YARS1: variants seen among roughly 807,000 people sequenced by gnomAD.
YARS1 encodes the protein tyrosyl-tRNA synthetase 1, also known as tyrosine--tRNA ligase, cytoplasmic.
Under a neutral mutation model 62.2 loss-of-function variants are expected in YARS1, and 36 were observed. The ratio of observed to expected loss-of-function variants is 0.58; its 90% CI spans 0.44 to 0.76. The LOEUF is 0.76. YARS1 is among the 30% of genes least tolerant of loss of function. The probability of loss-of-function intolerance (pLI) is 0.00; values close to 1 mark genes in which losing one functional copy is unlikely to be tolerated. For missense variants in YARS1, 524 were observed against 639.8 expected (o/e 0.82, Z 1.95); for synonymous variants, 234 against 244.9 (o/e 0.96, Z 0.42).
Position 32,786,934 on chromosome 1 carries a change from T to A in YARS1, c.820+6A>T, listed in dbSNP as rs1171141818. 6.2e-7 allele frequency: 1 copy of A among 1,613,542 alleles called. No homozygotes were observed. Among genetic ancestry groups the A allele is most frequent in the Non-Finnish European group, 8.5e-7 (1 of 1,179,888 alleles). On this transcript the variant is annotated splice_donor_region_variant and intron_variant, in intron 7 of 12. Transcript: ENST00000373477. ...TGGCCTCTAGGAAGAAAACAGAGAG[T>A]GTTACCGGACTTAAGGGGAAAAAGG...
intron 11 of YARS1, chr1:32,779,758 GAGGA>G: frequency 1.6e-6 from 1 of 629,812 alleles, no homozygotes; most frequent in South Asian, 2.0e-5. Flanking sequence ...GTTTCTAGGG[GAGGA>G]AGTATAAAAT....
intron 4 of YARS1, 114 bp from the exon 5 acceptor site, chr1:32,797,957 G>C: frequency 2.4e-6 from 2 of 846,812 alleles, no homozygotes; most frequent in East Asian, 2.7e-5. Flanking sequence ...TGCCACCTCT[G>C]CCTCTCAGGT....
At chr1:32,800,359 G>A (rs1264045228) in intron 4 of YARS1, among the ~76,000 whole-genome samples, 2 of 152,086 alleles carry the variant, frequency 1.3e-5, no homozygotes, top group African/African-American at 4.8e-5. Flanking sequence ...ATTATAAAGG[G>A]CTAGACGTGT....
intron 5 of YARS1, among the ~76,000 whole-genome samples, chr1:32,794,568 T>G (rs1653512921): frequency 6.6e-6 from 1 of 151,924 alleles, no homozygotes; most frequent in South Asian, 2.1e-4. Context: ...TTTTGTATTT[T>G]TACTAGAGAC....
chr1:32,779,640 G>A lies in YARS1; in HGVS notation c.1335-117C>T, dbSNP rs954292181. On this transcript the variant is annotated intron_variant, in intron 11 of 12. Transcript: ENST00000373477. ...CCTGATGGGATTTAGGGCATCCTCA[G>A]TACCAGAGCCCCAGGAGGTCCTCTT... 1.9e-5 allele frequency: 25 copies of A among 1,346,348 alleles called. No individual in the cohort carries two copies. In the African/African-American group the frequency reaches 2.2e-4, roughly 12 times the overall value. The allele number at this position is 1,346,348 out of a possible 1,614,324, so 83.4% of individuals were successfully genotyped here.
At chr1:32,803,126 T>C (rs948652930) in intron 4 of YARS1, among the ~76,000 whole-genome samples, 4 of 151,700 alleles carry the variant, frequency 2.6e-5, no homozygotes, top group African/African-American at 9.7e-5. Context: ...GGGACTACAG[T>C]TGCGCACCAC....
Position 32,806,616 on chromosome 1 carries a change from A to G in YARS1, c.381-5T>C. 6.2e-7 allele frequency: 1 copy of G among 1,614,132 alleles called. No individual in the cohort carries two copies. Among genetic ancestry groups the G allele is most frequent in the Non-Finnish European group, 8.5e-7 (1 of 1,180,028 alleles). Reference sequence around the variant, plus strand: ...TACACATCTAGTGTGTACTCTCTGAAGAGGAAAGGAAGAGGGGACAGCTGT... The same window carrying G: ...TACACATCTAGTGTGTACTCTCTGAGGAGGAAAGGAAGAGGGGACAGCTGT... On this transcript the variant is annotated splice_region_variant and splice_polypyrimidine_tract_variant and intron_variant, in intron 3 of 12. Transcript: ENST00000373477.
rs774750132 is a variant in YARS1 at position 32,780,176 on chromosome 1, G to T, written c.1243C>A (p.Leu415Met). 7 of 1,614,194 alleles carry T rather than the reference G, an allele frequency of 4.3e-6. No individual in the cohort carries two copies. In the Admixed American group the frequency reaches 1.2e-4, roughly 27 times the overall value. The change falls in exon 11 of 13, where the codon CTG (leucine) becomes ATG (methionine). Residue 415 changes from leucine to methionine, a missense_variant. By Grantham distance (15) the Leu-to-Met change is conservative. Coordinates refer to ENST00000373477, the MANE Select transcript of YARS1 (RefSeq NM_003680.4). ...AGCACCACTACCAGCCTGTCCTGCA[G>T]TTCCTCCTTGGGCACGAACTGTACC... ...GLVQFVPKEELQDRLVVVLCN... is the reference protein window; with the variant it reads ...GLVQFVPKEEMQDRLVVVLCN...
intron 8 of YARS1, chr1:32,782,865 TAGGTAACCCA>T (rs1313099015): frequency 2.3e-5 from 8 of 349,140 alleles, no homozygotes; most frequent in African/African-American, 1.7e-4. Context: ...AACATTCACA[TAGGTAACCCA>T]AGGCCTAAAG....
intron 6 of YARS1, among the ~76,000 whole-genome samples, chr1:32,790,179 G>T (rs1215516709): frequency 1.4e-5 from 2 of 141,100 alleles, no homozygotes; most frequent in Non-Finnish European, 3.1e-5. Context: ...CACCACGCAG[G>T]CCTTTTTTTT....
chr1:32,807,952 C>T (rs1169584108), intron 3 of YARS1, among the ~76,000 whole-genome samples: 1 of 152,012 alleles, frequency 6.6e-6, no homozygotes, highest in Non-Finnish European at 1.5e-5. Flanking sequence ...CTCTGTTGCC[C>T]AGGTTGCAGT....
At chr1:32,792,633 G>A (rs547108596) in intron 5 of YARS1, among the ~76,000 whole-genome samples, 4 of 152,198 alleles carry the variant, frequency 2.6e-5, no homozygotes, top group Non-Finnish European at 5.9e-5. Context: ...GCTCATGCCT[G>A]TAATCCCAGC....
chr1:32,804,378 C>A (rs1234688847), intron 4 of YARS1, among the ~76,000 whole-genome samples: 1 of 151,282 alleles, frequency 6.6e-6, no homozygotes. Context: ...GGGTTGCCCC[C>A]CACCTCCCTC....
At chr1:32,787,646 AT>A (rs1322395432) in intron 6 of YARS1, among the ~76,000 whole-genome samples, 4 of 151,732 alleles carry the variant, frequency 2.6e-5, no homozygotes, top group Admixed American at 2.6e-4. Context: ...AATAGCTGGG[AT>A]TACAGGTGCC....
intron 6 of YARS1, among the ~76,000 whole-genome samples, chr1:32,788,658 C>T (rs186605567): frequency 2.6e-4 from 40 of 152,058 alleles, no homozygotes; most frequent in African/African-American, 8.0e-4. Context: ...GTCGAACTCC[C>T]GACCTTAGGT....
intron 5 of YARS1, among the ~76,000 whole-genome samples, chr1:32,796,965 CAAAA>C (rs71578193): frequency 0.021 from 55 of 2,652 alleles, 2 homozygotes; most frequent in South Asian, 0.025. Context: ...AACTCAGTCT[CAAAA>C]AAAAAAAAAA....
intron 10 of YARS1, 66 bp downstream of exon 10, chr1:32,780,982 C>A: frequency 6.7e-7 from 1 of 1,483,530 alleles, no homozygotes; most frequent in African/African-American, 1.4e-5. Flanking sequence ...GCCACGTTTC[C>A]TCCGGATGGA....
intron 3 of YARS1, 134 bp downstream of exon 3, chr1:32,810,457 A>T: frequency 8.3e-7 from 1 of 1,199,296 alleles, no homozygotes; most frequent in Non-Finnish European, 1.2e-6. Flanking sequence ...TTTAATGGAC[A>T]AAGTTTTAAA....
intron 3 of YARS1, among the ~76,000 whole-genome samples, chr1:32,808,069 C>T (rs951315294): frequency 6.6e-6 from 1 of 151,998 alleles, no homozygotes; most frequent in African/African-American, 2.4e-5. Flanking sequence ...TGATGCCTAG[C>T]TAATTTTTTT....
Sources: gnomAD v4.1 joint callset for allele counts (sites outside exome capture counted in the v4.1 genomes callset) on GRCh38, gnomAD v4.1.1 for gene constraint, MANE v1.5 for transcripts, NCBI Gene and HGNC (gene_info 2026-07-23, HGNC 2026-07-21) for gene names.